CLNK: variants seen among roughly 807,000 people sequenced by gnomAD.
CLNK encodes the protein cytokine-dependent hematopoietic cell linker.
CLNK carries 74 observed loss-of-function variants against 68.6 expected under a neutral mutation model. The observed-to-expected ratio is 1.08, with a 90% CI of 0.89 to 1.31. The LOEUF (loss-of-function observed/expected upper bound fraction) is 1.31, where lower values mean the gene tolerates loss of function less well. Ranked by LOEUF, CLNK falls within the 50% of genes most tolerant of loss-of-function variation. CLNK has a pLI of 0.00. For missense variants in CLNK, 553 were observed against 515.3 expected, an observed-to-expected ratio of 1.07 and a Z score of -0.71; for synonymous variants, 198 against 172.2, an observed-to-expected ratio of 1.15 and a Z score of -1.17.
chr4:10,522,199 A>C (rs1191781182), intron 14 of CLNK, among the ~76,000 whole-genome samples: 1 of 150,222 alleles, frequency 6.7e-6, no homozygotes, highest in East Asian at 2.0e-4. Flanking sequence ...CGGAGGTTGC[A>C]GTGAGCCGAG....
At chr4:10,537,637 C>CCCTT (rs1553848137) in intron 11 of CLNK, among the ~76,000 whole-genome samples, 15,423 of 76,100 alleles carry the variant, frequency 0.2, 2,832 homozygotes, top group Middle Eastern at 0.27. Flanking sequence ...TTCTTTCTTT[C>CCCTT]TCTTTCTTTC....
At chr4:10,492,188 T>C (rs1044019409) in intron 18 of CLNK, among the ~76,000 whole-genome samples, 1 of 152,170 alleles carries the variant, frequency 6.6e-6, no homozygotes, top group Non-Finnish European at 1.5e-5. Context: ...GAGTCTCCCA[T>C]GGCTAGGGAG....
chr4:10,614,010 A>G (rs571103913), intron 2 of CLNK, among the ~76,000 whole-genome samples: 1 of 152,318 alleles, frequency 6.6e-6, no homozygotes, highest in Non-Finnish European at 1.5e-5. Flanking sequence ...CAACCACCAT[A>G]CCAACTGGAG....
At chr4:10,563,661 C>A (rs1042377629) in intron 7 of CLNK, among the ~76,000 whole-genome samples, 3 of 152,202 alleles carry the variant, frequency 2.0e-5, no homozygotes, top group Admixed American at 2.0e-4. Context: ...ATAATCCCAG[C>A]ACTTTGGGAG....
At chr4:10,664,897 G>A (rs1414657909) in intron 2 of CLNK, among the ~76,000 whole-genome samples, 4 of 152,196 alleles carry the variant, frequency 2.6e-5, no homozygotes, top group Non-Finnish European at 4.4e-5. Flanking sequence ...TGATGGAGGC[G>A]TTCTAATTTT....
chr4:10,645,339 A>G (rs914261586), intron 2 of CLNK, among the ~76,000 whole-genome samples: 5 of 152,214 alleles, frequency 3.3e-5, no homozygotes, highest in African/African-American at 1.2e-4. Context: ...CCCATACTAT[A>G]GAGCTCACTA....
At chr4:10,507,850 A>G (rs1013392056) in intron 17 of CLNK, 109 bp downstream of exon 17, 7 of 772,264 alleles carry the variant, frequency 9.1e-6, no homozygotes, top group African/African-American at 5.3e-5. Context: ...AGGGTGATGC[A>G]GGAAATAATA....
intron 1 of CLNK, among the ~76,000 whole-genome samples, chr4:10,680,393 G>A (rs1281901762): frequency 6.7e-6 from 1 of 149,824 alleles, no homozygotes; most frequent in Non-Finnish European, 1.5e-5. Flanking sequence ...GGGAGGGATA[G>A]CATTAGGAGG....
chr4:10,619,618 AAAAT>A lies in CLNK; in HGVS notation c.12-21573_12-21570del, dbSNP rs1185790720. 3.3e-5 allele frequency among the ~76,000 whole-genome samples: 5 copies of A among 152,288 alleles called. No homozygotes were observed. In the East Asian group the frequency reaches 7.7e-4, roughly 23 times the overall value. On this transcript the variant is annotated intron_variant, in intron 2 of 18. Coordinates refer to ENST00000226951, the MANE Select transcript of CLNK (RefSeq NM_052964.4). The stretch of plus-strand genomic sequence containing the variant: ...TTGGGGTGGAAAAAGAAAAAAAAGG[AAAAT>A]AAATAAAAGGGAAAGGAAAAGGGAC...
chr4:10,699,299 C>CATAT, the CLNK span, among the ~76,000 whole-genome samples: 1 of 118,380 alleles, frequency 8.4e-6, no homozygotes, highest in Middle Eastern at 4.5e-3. Context: ...TATACACACA[C>CATAT]ACACCACATA....
intron 2 of CLNK, among the ~76,000 whole-genome samples, chr4:10,619,188 A>G (rs1447220538): frequency 6.6e-6 from 1 of 152,216 alleles, no homozygotes; most frequent in African/African-American, 2.4e-5. Context: ...GCGAACACCC[A>G]TGGACCAAGT....
At chr4:10,701,252 G>A in the CLNK span, among the ~76,000 whole-genome samples, 1 of 152,182 alleles carries the variant, frequency 6.6e-6, no homozygotes, top group East Asian at 1.9e-4. Flanking sequence ...TGCATCTATT[G>A]CCTGTGAATG....
intron 17 of CLNK, among the ~76,000 whole-genome samples, chr4:10,504,080 T>C (rs1414175747): frequency 6.7e-6 from 1 of 148,736 alleles, no homozygotes; most frequent in African/African-American, 2.5e-5. Context: ...CGCGCCCGGC[T>C]CATTTGCAGG....
At chr4:10,633,961 A>C (rs1266979209) in intron 2 of CLNK, among the ~76,000 whole-genome samples, 3 of 152,246 alleles carry the variant, frequency 2.0e-5, no homozygotes, top group African/African-American at 7.2e-5. Context: ...TAGTGAGGTC[A>C]GAATGAGAAC....
At chr4:10,612,161 C>T (rs1280780417) in intron 2 of CLNK, among the ~76,000 whole-genome samples, 2 of 152,292 alleles carry the variant, frequency 1.3e-5, no homozygotes, top group African/African-American at 2.4e-5. Flanking sequence ...AGAAACCTAC[C>T]CACATCTCTC....
intron 1 of CLNK, among the ~76,000 whole-genome samples, chr4:10,675,222 G>C (rs1366469159): frequency 6.6e-6 from 1 of 152,132 alleles, no homozygotes; most frequent in Non-Finnish European, 1.5e-5. Flanking sequence ...AAAGAAAACA[G>C]GGTTCTGCAG....
At chr4:10,503,336 C>G (rs1717134979) in intron 17 of CLNK, among the ~76,000 whole-genome samples, 1 of 151,688 alleles carries the variant, frequency 6.6e-6, no homozygotes, top group African/African-American at 2.4e-5. Context: ...GTATCATGTC[C>G]CTGTTATCCT....
At chr4:10,633,897 A>T (rs1347122913) in intron 2 of CLNK, among the ~76,000 whole-genome samples, 2 of 152,244 alleles carry the variant, frequency 1.3e-5, no homozygotes, top group Admixed American at 1.3e-4. Flanking sequence ...TTGGGTGCTC[A>T]GTTGCATAAT....
At chr4:10,615,061 T>C (rs1470394765) in intron 2 of CLNK, among the ~76,000 whole-genome samples, 1 of 151,918 alleles carries the variant, frequency 6.6e-6, no homozygotes, top group Non-Finnish European at 1.5e-5. Flanking sequence ...TGGTGCATAC[T>C]TGTAATTCCA....
Sources: allele counts gnomAD v4.1 joint callset (sites outside exome capture counted in the v4.1 genomes callset), GRCh38; gene constraint gnomAD v4.1.1; transcripts MANE v1.5; gene names NCBI Gene and HGNC (gene_info 2026-07-23, HGNC 2026-07-21).